Variants in PLB1 observed in about 807,000 individuals in gnomAD.
PLB1 encodes the protein phospholipase B1, also known as phospholipase B1, membrane-associated.
PLB1 carries 242 observed loss-of-function variants against 227.4 expected under a neutral mutation model. The ratio of observed to expected loss-of-function variants is 1.06; its 90% CI spans 0.96 to 1.18. The LOEUF is 1.18. Ranked by LOEUF, PLB1 falls within the 50% of genes most tolerant of loss-of-function variation. PLB1 has a pLI of 0.00. For missense variants in PLB1, 1,858 were observed against 1,816.3 expected (o/e 1.02, Z -0.42); for synonymous variants, 757 against 682.2 (o/e 1.11, Z -1.71).
rs767541881 is a variant in PLB1, at chr2:28,620,983, G to A, written c.3527+5G>A. The A allele has an allele frequency of 6.2e-7, 1 of 1,605,602 alleles. No homozygotes were observed. The highest frequency in any genetic ancestry group is 1.1e-5 in the South Asian group (1 of 90,156). On this transcript the variant is annotated splice_donor_5th_base_variant and intron_variant, in intron 49 of 57. Transcript: ENST00000327757. ...AGCGGAAGGGGCCAGAGCTAGGTGA[G>A]TAGATGCCGTACAGGAGGGCGAGTG...
intron 17 of PLB1, among the ~76,000 whole-genome samples, chr2:28,559,375 T>G (rs35944372): frequency 0.27 from 40,674 of 152,164 alleles, 5,676 homozygotes; most frequent in East Asian, 0.53. Flanking sequence ...GCAGGCTCAA[T>G]TGGAGGACCG....
intron 17 of PLB1, among the ~76,000 whole-genome samples, chr2:28,557,934 T>C (rs1675389209): frequency 6.6e-6 from 1 of 152,166 alleles, no homozygotes; most frequent in Non-Finnish European, 1.5e-5. Context: ...AGATCACAGA[T>C]GAAGTCAACT....
At position 28,526,011 on chromosome 2, in the gene PLB1, C is replaced by T. The variant is rs924748799; in HGVS notation, c.325+66C>T. ...CTCCTTCCCAACACAGCAGCATCCT[C>T]TCTAATAAAGAGAATGGACACCACC... is the stretch of plus-strand genomic sequence containing the variant. On this transcript the variant is annotated intron_variant, in intron 6 of 57. Coordinates refer to ENST00000327757, the MANE Select transcript of PLB1 (RefSeq NM_153021.5). The T allele has an allele frequency of 2.0e-5, 31 of 1,580,354 alleles. No individual in the cohort carries two copies. In the Admixed American group the frequency reaches 3.5e-4, roughly 18 times the overall value.
chr2:28,555,141 C>CTTTT lies in PLB1; in HGVS notation c.1147+2165_1147+2168dup, dbSNP rs3041204. Reference sequence around the variant, plus strand: ...TACATTTCATTATTGTGCCAGTGATCTTTTTTTTTTTTTTTTTTGAGACAG... The same window carrying CTTTT: ...TACATTTCATTATTGTGCCAGTGATCTTTTTTTTTTTTTTTTTTTTTTGAGACAG... On this transcript the variant is annotated intron_variant, in intron 17 of 57. Coordinates refer to ENST00000327757, the MANE Select transcript of PLB1 (RefSeq NM_153021.5). Among the ~76,000 whole-genome samples, 35 of 120,196 alleles carry CTTTT rather than the reference C, an allele frequency of 2.9e-4. 2 individuals carry two copies. The highest frequency in any genetic ancestry group is 1.4e-3 in the East Asian group (6 of 4,150). The allele number at this position is 120,196 out of a possible 152,430, so 78.9% of individuals were successfully genotyped here.
intron 18 of PLB1, among the ~76,000 whole-genome samples, chr2:28,564,504 C>T (rs550566151): frequency 2.2e-4 from 34 of 152,326 alleles, no homozygotes; most frequent in Admixed American, 7.2e-4. Flanking sequence ...TCCTGCCCGG[C>T]GGGGCCTGAC....
chr2:28,635,702 A>C (rs976518274), intron 56 of PLB1, among the ~76,000 whole-genome samples: 8 of 149,556 alleles, frequency 5.3e-5, no homozygotes, highest in Admixed American at 5.3e-4. Context: ...GACTTTTGCA[A>C]AGGCAAAGCC....
intron 25 of PLB1, among the ~76,000 whole-genome samples, chr2:28,583,557 G>A (rs1680411801): frequency 6.6e-6 from 1 of 152,180 alleles, no homozygotes; most frequent in Non-Finnish European, 1.5e-5. Context: ...TCATGTGACA[G>A]GTTGTAGTGA....
intron 1 of PLB1, among the ~76,000 whole-genome samples, chr2:28,506,326 C>G (rs1403632121): frequency 6.6e-6 from 1 of 152,072 alleles, no homozygotes; most frequent in Non-Finnish European, 1.5e-5. Context: ...AGGTGAAACT[C>G]AATTGCTCAC....
chr2:28,599,008 A>G (rs184808462), intron 35 of PLB1, among the ~76,000 whole-genome samples: 22 of 152,358 alleles, frequency 1.4e-4, no homozygotes, highest in African/African-American at 5.3e-4. Context: ...GCATGTTCTC[A>G]TAATTGGACG....
intron 25 of PLB1, among the ~76,000 whole-genome samples, chr2:28,584,608 C>CAAGTCACTG (rs1680599327): frequency 6.6e-6 from 1 of 152,172 alleles, no homozygotes; most frequent in African/African-American, 2.4e-5. Flanking sequence ...CTGAGATGGC[C>CAAGTCACTG]AAGTCACTGA....
chr2:28,497,371 T>C (rs900090571), intron 1 of PLB1, among the ~76,000 whole-genome samples: 7 of 152,218 alleles, frequency 4.6e-5, no homozygotes, highest in South Asian at 2.1e-4. Flanking sequence ...ACATCACTTA[T>C]GTTTGGCCAA....
intron 21 of PLB1, among the ~76,000 whole-genome samples, chr2:28,576,666 G>T (rs528831053): frequency 6.6e-6 from 1 of 152,160 alleles, no homozygotes; most frequent in South Asian, 2.1e-4. Flanking sequence ...GGAGGTGGAG[G>T]TTGCAGTGAA....
At position 28,602,012 on chromosome 2, in the gene PLB1, G is replaced by A. The variant is rs538673498; in HGVS notation, c.2673+48G>A. ...CTGGTAACAGCTCAAGCATGGTGAG[G>A]GTGAAGGTGGATGGGGGGAAAGAAT... On this transcript the variant is annotated intron_variant, in intron 38 of 57. Coordinates refer to ENST00000327757, the MANE Select transcript of PLB1 (RefSeq NM_153021.5). 20 of 1,504,644 alleles carry A rather than the reference G, an allele frequency of 1.3e-5. No homozygotes were observed. The African/African-American group carries it at 2.2e-4, about 17-fold the overall frequency. 93.2% of individuals were successfully genotyped at this position (1,504,644 alleles called of 1,614,324 possible).
intron 8 of PLB1, among the ~76,000 whole-genome samples, chr2:28,531,187 A>G (rs1572787791): frequency 6.6e-6 from 1 of 152,240 alleles, no homozygotes; most frequent in African/African-American, 2.4e-5. Flanking sequence ...TAACCCAAAG[A>G]TAATTATGGT....
intron 56 of PLB1, among the ~76,000 whole-genome samples, chr2:28,636,029 A>ATGTG (rs1216850755): frequency 1.6e-4 from 13 of 81,276 alleles, no homozygotes; most frequent in Admixed American, 3.4e-4. Flanking sequence ...ATGTGTGTGT[A>ATGTG]TGTGTGTGTG....
intron 15 of PLB1, 100 bp downstream of exon 15, chr2:28,549,031 G>T: frequency 1.1e-6 from 1 of 935,978 alleles, no homozygotes; most frequent in Non-Finnish European, 1.7e-6. Flanking sequence ...CCTGAGATGT[G>T]AATCCTGTTT....
chr2:28,510,782 G>GTA (rs1424136901), intron 1 of PLB1, among the ~76,000 whole-genome samples: 1 of 142,394 alleles, frequency 7.0e-6, no homozygotes, highest in African/African-American at 2.5e-5. Context: ...AGATAATTGT[G>GTA]TGTGTGTGTG....
intron 14 of PLB1, among the ~76,000 whole-genome samples, chr2:28,544,534 C>T (rs1223755779): frequency 1.3e-5 from 2 of 152,186 alleles, no homozygotes; most frequent in Non-Finnish European, 2.9e-5. Flanking sequence ...AAGGGGGATA[C>T]AAGAGACCCA....
At chr2:28,620,547 A>G (rs1159593288) in intron 47 of PLB1, 53 bp from the exon 48 acceptor site, 3 of 1,567,704 alleles carry the variant, frequency 1.9e-6, no homozygotes, top group Admixed American at 1.9e-5. Flanking sequence ...ATATGTTGAC[A>G]CAGGGAGCAG....
Sources: allele counts gnomAD v4.1 joint callset (sites outside exome capture counted in the v4.1 genomes callset), GRCh38; gene constraint gnomAD v4.1.1; transcripts MANE v1.5; gene names NCBI Gene and HGNC (gene_info 2026-07-23, HGNC 2026-07-21).